Variants in PCDH9 observed in about 807,000 individuals in gnomAD.
The protein encoded by PCDH9 is protocadherin 9.
A neutral mutation model predicts 70.6 loss-of-function variants in PCDH9; 24 were observed. The observed-to-expected ratio is 0.34, with a 90% CI of 0.25 to 0.48. The LOEUF (loss-of-function observed/expected upper bound fraction) is 0.48, where lower values mean the gene tolerates loss of function less well. Among genes scored for constraint, PCDH9 ranks in the 20% least tolerant of loss-of-function variants. The pLI is 0.99. For synonymous variants in PCDH9, 562 were observed against 558.5 expected, an observed-to-expected ratio of 1.01 and a Z score of -0.09; for missense variants, 1,281 against 1,503.6, an observed-to-expected ratio of 0.85 and a Z score of 2.45.
chr13:66,970,349 C>T (rs1490767699), intron 2 of PCDH9, among the ~76,000 whole-genome samples: 1 of 151,770 alleles, frequency 6.6e-6, no homozygotes, highest in African/African-American at 2.4e-5. Flanking sequence ...GAGTTAAAGT[C>T]TGGGCATGGT....
chr13:66,653,715 C>T (rs2077884840), intron 3 of PCDH9, among the ~76,000 whole-genome samples: 1 of 152,014 alleles, frequency 6.6e-6, no homozygotes, highest in Non-Finnish European at 1.5e-5. Context: ...TGCCTATAAT[C>T]CCAGCAGTTT....
intron 3 of PCDH9, among the ~76,000 whole-genome samples, chr13:66,736,191 T>A (rs1254327591): frequency 6.6e-6 from 1 of 152,204 alleles, no homozygotes; most frequent in Non-Finnish European, 1.5e-5. Flanking sequence ...GGCTGAATTC[T>A]ATCTCCCCAA....
intron 4 of PCDH9, among the ~76,000 whole-genome samples, chr13:66,356,764 A>G (rs997953622): frequency 1.3e-5 from 2 of 152,150 alleles, no homozygotes; most frequent in African/African-American, 2.4e-5. Flanking sequence ...TAACTATTGA[A>G]TAAATATATG....
chr13:67,131,621 C>G (rs1436664594), intron 2 of PCDH9, among the ~76,000 whole-genome samples: 1 of 151,680 alleles, frequency 6.6e-6, no homozygotes, highest in East Asian at 1.9e-4. Context: ...TGCATTAATA[C>G]AATTATGGGG....
intron 2 of PCDH9, among the ~76,000 whole-genome samples, chr13:67,169,033 A>C (rs2088204326): frequency 6.6e-6 from 1 of 152,186 alleles, no homozygotes; most frequent in Non-Finnish European, 1.5e-5. Flanking sequence ...CTTCTCACTT[A>C]CATATTCATG....
chr13:66,991,852 T>C (rs1001290654), intron 2 of PCDH9, among the ~76,000 whole-genome samples: 7 of 152,122 alleles, frequency 4.6e-5, no homozygotes, highest in African/African-American at 1.7e-4. Context: ...AAGAAAAAGA[T>C]GTAACATAAA....
Position 66,904,573 on chromosome 13 carries a change from A to C in PCDH9, c.3037-968T>G, listed in dbSNP as rs1319866519. ...TCTTAAATAAAACTATAATATATGC[A>C]TCGATTTCATTACATTACAAGCAAA... is the stretch of plus-strand genomic sequence containing the variant. On this transcript the variant is annotated intron_variant, in intron 2 of 4. Coordinates refer to ENST00000377865, the MANE Select transcript of PCDH9 (RefSeq NM_203487.3). 7.2e-5 allele frequency among the ~76,000 whole-genome samples: 11 copies of C among 151,960 alleles called. 1 individual carries two copies. The highest frequency in any genetic ancestry group is 1.5e-4 in the Non-Finnish European group (10 of 67,864).
At chr13:66,838,133 A>C (rs900784700) in intron 3 of PCDH9, among the ~76,000 whole-genome samples, 4 of 152,184 alleles carry the variant, frequency 2.6e-5, no homozygotes, top group South Asian at 2.1e-4. Context: ...TACAGAACAT[A>C]TATTTCATTC....
chr13:66,632,825 T>A lies in PCDH9; in HGVS notation c.3139-1414A>T, dbSNP rs1205788083. Among the ~76,000 whole-genome samples the A allele has an allele frequency of 2.6e-5, 4 of 152,022 alleles. 1 individual carries two copies. The South Asian group carries it at 6.2e-4, about 24-fold the overall frequency. On this transcript the variant is annotated intron_variant, in intron 3 of 4. Transcript: ENST00000377865. ...TCGATACCATGCTACATATGACCAC[T>A]TAAATTCAGAATTAATAAAATGATG...
Position 66,660,303 on chromosome 13 carries a change from C to CT in PCDH9, c.3139-28893dup, listed in dbSNP as rs201916393. 3.4e-3 allele frequency among the ~76,000 whole-genome samples: 519 copies of CT among 151,190 alleles called. 1 individual carries two copies. Among genetic ancestry groups the CT allele is most frequent in the African/African-American group, 0.01 (428 of 41,262 alleles). On this transcript the variant is annotated intron_variant, in intron 3 of 4. Transcript: ENST00000377865. Reference sequence around the variant, plus strand: ...TATGGTGAGATCTTTATTTCTTTGCCTTTTTTTTTACTGTGAGTTTCCTTT... The same window carrying CT: ...TATGGTGAGATCTTTATTTCTTTGCCTTTTTTTTTTACTGTGAGTTTCCTTT...
At chr13:66,715,519 C>T (rs530394065) in intron 3 of PCDH9, among the ~76,000 whole-genome samples, 5 of 152,090 alleles carry the variant, frequency 3.3e-5, no homozygotes, top group South Asian at 2.1e-4. Flanking sequence ...ATGCTTGAGC[C>T]GTATACAATT....
At chr13:66,322,976 T>C (rs1955781612) in intron 4 of PCDH9, among the ~76,000 whole-genome samples, 3 of 152,090 alleles carry the variant, frequency 2.0e-5, no homozygotes, top group South Asian at 2.1e-4. Context: ...TGATATGTTA[T>C]ATGTTTCCAT....
At chr13:66,474,975 T>C (rs1312821515) in intron 4 of PCDH9, among the ~76,000 whole-genome samples, 1 of 152,092 alleles carries the variant, frequency 6.6e-6, no homozygotes, top group Non-Finnish European at 1.5e-5. Flanking sequence ...ATTTTCTCTA[T>C]GGGTTAATGT....
intron 2 of PCDH9, among the ~76,000 whole-genome samples, chr13:67,041,256 A>G (rs1201188072): frequency 6.6e-6 from 1 of 152,202 alleles, no homozygotes; most frequent in Non-Finnish European, 1.5e-5. Context: ...AATGGTGCAC[A>G]ATTTAAAACT....
chr13:66,858,274 T>C (rs1246084007), intron 3 of PCDH9, among the ~76,000 whole-genome samples: 1 of 152,198 alleles, frequency 6.6e-6, no homozygotes, highest in Non-Finnish European at 1.5e-5. Context: ...TTTCAAAAAC[T>C]TACTTGAGTT....
intron 4 of PCDH9, among the ~76,000 whole-genome samples, chr13:66,368,551 T>C (rs1186089084): frequency 6.6e-6 from 1 of 151,892 alleles, no homozygotes; most frequent in Non-Finnish European, 1.5e-5. Flanking sequence ...ATACATTCTA[T>C]TTTATATATA....
intron 2 of PCDH9, among the ~76,000 whole-genome samples, chr13:67,023,351 C>A (rs550929905): frequency 2.2e-4 from 34 of 152,156 alleles, no homozygotes; most frequent in Non-Finnish European, 4.6e-4. Flanking sequence ...CATTAGCATC[C>A]TTTGTAACAC....
intron 2 of PCDH9, among the ~76,000 whole-genome samples, chr13:67,007,317 T>TA (rs928246392): frequency 1.3e-5 from 2 of 151,826 alleles, no homozygotes; most frequent in Non-Finnish European, 2.9e-5. Context: ...AAATTTTGAG[T>TA]AAAAAAACAC....
At chr13:66,528,950 G>A (rs1304911534) in intron 4 of PCDH9, among the ~76,000 whole-genome samples, 1 of 152,006 alleles carries the variant, frequency 6.6e-6, no homozygotes, top group Non-Finnish European at 1.5e-5. Flanking sequence ...ATTCACGTGG[G>A]AAACAACTTT....
Sources: gnomAD v4.1 joint callset for allele counts (sites outside exome capture counted in the v4.1 genomes callset) on GRCh38, gnomAD v4.1.1 for gene constraint, MANE v1.5 for transcripts, NCBI Gene and HGNC (gene_info 2026-07-23, HGNC 2026-07-21) for gene names.